CAPS2: variants seen among roughly 807,000 people sequenced by gnomAD.
The protein encoded by CAPS2 is calcyphosin-2.
Under a neutral mutation model 86.5 loss-of-function variants are expected in CAPS2, and 98 were observed. The observed-to-expected ratio is 1.13, with a 90% CI of 0.96 to 1.34. The LOEUF is 1.34. Among genes scored for constraint, CAPS2 ranks in the 40% most tolerant of loss-of-function variants. The pLI, the probability that CAPS2 is intolerant of heterozygous loss-of-function variation, is 0.00. For missense variants in CAPS2, 729 were observed against 686.8 expected, an observed-to-expected ratio of 1.06 and a Z score of -0.69; for synonymous variants, 210 against 225.1, an observed-to-expected ratio of 0.93 and a Z score of 0.60.
Position 75,288,472 on chromosome 12 carries a change from C to G in CAPS2, c.1395+1149G>C, listed in dbSNP as rs2035289139. Among the ~76,000 whole-genome samples, 6 of 152,184 alleles carry G rather than the reference C, an allele frequency of 3.9e-5. No individual in the cohort carries two copies. The South Asian group carries it at 1.2e-3, about 31-fold the overall frequency. The stretch of plus-strand genomic sequence containing the variant: ...GTCCAAGATCATACAGTTCAAATAG[C>G]AAAGCTGGAACTTGAACCTAAATGT... On this transcript the variant is annotated intron_variant, in intron 14 of 16. Transcript: ENST00000393284.
intron 7 of CAPS2, chr12:75,305,846 GC>G (rs1387835354): frequency 1.3e-6 from 1 of 752,172 alleles, no homozygotes; most frequent in Non-Finnish European, 2.4e-6. Flanking sequence ...CCTCATCCTC[GC>G]CCAGGTGTTC....
At chr12:75,343,617 A>T in intron 1 of CAPS2, 2 of 1,117,410 alleles carry the variant, frequency 1.8e-6, no homozygotes, top group Non-Finnish European at 2.5e-6. Flanking sequence ...AGCAAAACTT[A>T]GTTGATTACA....
At chr12:75,355,491 G>A (rs1198375183) in intron 1 of CAPS2, among the ~76,000 whole-genome samples, 1 of 152,132 alleles carries the variant, frequency 6.6e-6, no homozygotes, top group Non-Finnish European at 1.5e-5. Context: ...GTGAGGTTGT[G>A]GAGAAATAGG....
chr12:75,367,780 A>G (rs974481833), intron 1 of CAPS2, among the ~76,000 whole-genome samples: 2 of 152,026 alleles, frequency 1.3e-5, no homozygotes, highest in Non-Finnish European at 2.9e-5. Context: ...TCTAATCTTT[A>G]TATTATTTAT....
chr12:75,276,547 T>C, downstream of CAPS2: 1 of 979,464 alleles, frequency 1.0e-6, no homozygotes, highest in Middle Eastern at 5.3e-4. Context: ...GGGACATACA[T>C]GTTTAACTAT....
At chr12:75,320,705 T>C (rs950008866) in intron 5 of CAPS2, among the ~76,000 whole-genome samples, 3 of 152,048 alleles carry the variant, frequency 2.0e-5, no homozygotes, top group African/African-American at 2.4e-5. Flanking sequence ...ATTACTCTTA[T>C]AGAAAGTTAA....
At chr12:75,316,080 A>G (rs2039723730) in intron 6 of CAPS2, among the ~76,000 whole-genome samples, 1 of 152,180 alleles carries the variant, frequency 6.6e-6, no homozygotes, top group South Asian at 2.1e-4. Flanking sequence ...CATTTTGAAC[A>G]GTATAAACTA....
chr12:75,314,494 G>T (rs2039553858), intron 6 of CAPS2, among the ~76,000 whole-genome samples: 1 of 151,940 alleles, frequency 6.6e-6, no homozygotes, highest in Non-Finnish European at 1.5e-5. Context: ...CCTATATAAA[G>T]CTTATGTTAT....
intron 1 of CAPS2, among the ~76,000 whole-genome samples, chr12:75,358,922 C>T (rs2139555716): frequency 7.0e-6 from 1 of 143,722 alleles, no homozygotes; most frequent in East Asian, 2.0e-4. Context: ...TTAGTACAGA[C>T]TGCATAAAAC....
chr12:75,342,256 C>A (rs924685429), intron 1 of CAPS2, among the ~76,000 whole-genome samples: 1 of 152,088 alleles, frequency 6.6e-6, no homozygotes, highest in Non-Finnish European at 1.5e-5. Flanking sequence ...TAAACCTACA[C>A]ATATACAAAA....
At chr12:75,290,913 G>C (rs1022447626) in intron 13 of CAPS2, among the ~76,000 whole-genome samples, 92 of 137,900 alleles carry the variant, frequency 6.7e-4, no homozygotes, top group African/African-American at 2.3e-3. Context: ...AATGGAGCAA[G>C]GCTCTCTCTC....
At chr12:75,297,024 G>A (rs1419929581) in intron 11 of CAPS2, among the ~76,000 whole-genome samples, 10 of 152,150 alleles carry the variant, frequency 6.6e-5, no homozygotes, top group Admixed American at 6.5e-4. Context: ...TTTATATGTA[G>A]CTGGCTGAAT....
chr12:75,305,050 T>C (rs750679098), intron 7 of CAPS2, 174 bp from the exon 8 acceptor site: 10 of 465,380 alleles, frequency 2.1e-5, no homozygotes, highest in Non-Finnish European at 3.5e-5. Context: ...AAAGTAAATA[T>C]TCCTATCTCT....
intron 13 of CAPS2, among the ~76,000 whole-genome samples, chr12:75,291,276 C>T (rs1344804494): frequency 6.6e-6 from 1 of 151,178 alleles, no homozygotes; most frequent in African/African-American, 2.4e-5. Context: ...ACTAGGACAC[C>T]ACAAACCTCT....
intron 1 of CAPS2, among the ~76,000 whole-genome samples, chr12:75,388,725 T>A (rs1344713428): frequency 1.3e-5 from 2 of 152,224 alleles, no homozygotes; most frequent in East Asian, 1.9e-4. Flanking sequence ...CATGTCATTA[T>A]ACATTTATAC....
At chr12:75,370,397 T>C (rs989357179) in intron 1 of CAPS2, 86 of 383,502 alleles carry the variant, frequency 2.2e-4, no homozygotes, top group Admixed American at 7.1e-4. Flanking sequence ...CAAATCCATA[T>C]GTGTATCAAA....
chr12:75,326,190 A>G (rs972521336), intron 1 of CAPS2, among the ~76,000 whole-genome samples: 1 of 152,060 alleles, frequency 6.6e-6, no homozygotes, highest in African/African-American at 2.4e-5. Flanking sequence ...ATATTCTTAA[A>G]TAACAATAAT....
chr12:75,338,052 A>G (rs1215133584), intron 1 of CAPS2, among the ~76,000 whole-genome samples: 1 of 152,142 alleles, frequency 6.6e-6, no homozygotes, highest in African/African-American at 2.4e-5. Context: ...GAGAAAAGCA[A>G]CACCAATCTT....
intron 1 of CAPS2, among the ~76,000 whole-genome samples, chr12:75,363,604 C>T (rs1022973891): frequency 6.6e-6 from 1 of 152,032 alleles, no homozygotes; most frequent in African/African-American, 2.4e-5. Flanking sequence ...TCATGATCAG[C>T]TTTTTGGTTC....
Sources: gnomAD v4.1 joint callset for allele counts (sites outside exome capture counted in the v4.1 genomes callset) on GRCh38, gnomAD v4.1.1 for gene constraint, MANE v1.5 for transcripts, NCBI Gene and HGNC (gene_info 2026-07-23, HGNC 2026-07-21) for gene names.